DOCK1: variants seen among roughly 807,000 people sequenced by gnomAD.
DOCK1 encodes the protein dedicator of cytokinesis 1.
In DOCK1, 138 loss-of-function variants were observed where a neutral mutation model predicts 262.7. The ratio of observed to expected loss-of-function variants is 0.53; its 90% CI spans 0.46 to 0.61. The LOEUF is 0.61. Among genes scored for constraint, DOCK1 ranks in the 20% least tolerant of loss-of-function variants. The pLI is 0.00. For synonymous variants in DOCK1, 866 were observed against 867.4 expected, an observed-to-expected ratio of 1.00 and a Z score of 0.03; for missense variants, 1,908 against 2,370.7, an observed-to-expected ratio of 0.80 and a Z score of 4.05.
intron 29 of DOCK1, among the ~76,000 whole-genome samples, chr10:127,329,545 G>A (rs1009755794): frequency 6.6e-6 from 1 of 152,026 alleles, no homozygotes; most frequent in African/African-American, 2.4e-5. Flanking sequence ...CTGGGGTGCT[G>A]GGGCGGGGAC....
chr10:127,217,381 G>C (rs2058258670), intron 27 of DOCK1, among the ~76,000 whole-genome samples: 1 of 152,202 alleles, frequency 6.6e-6, no homozygotes, highest in Non-Finnish European at 1.5e-5. Flanking sequence ...CTGATAATAT[G>C]CTGATTTACT....
chr10:127,406,290 C>T (rs1487932659), intron 40 of DOCK1, among the ~76,000 whole-genome samples: 4 of 152,132 alleles, frequency 2.6e-5, no homozygotes, highest in South Asian at 2.1e-4. Flanking sequence ...GCGGAGGACA[C>T]GTTGCAGCTC....
chr10:127,138,159 C>G (rs1214830335), intron 27 of DOCK1: 2 of 740,788 alleles, frequency 2.7e-6, no homozygotes, highest in Non-Finnish European at 4.3e-6. Context: ...ATTCGATATA[C>G]TATGTTTTAG....
intron 1 of DOCK1, among the ~76,000 whole-genome samples, chr10:126,911,473 C>T (rs747128755): frequency 1.3e-5 from 2 of 152,312 alleles, no homozygotes; most frequent in Non-Finnish European, 2.9e-5. Context: ...GGCACATGCA[C>T]CAGTGTGGAG....
At chr10:127,054,643 G>A (rs1411083089) in intron 22 of DOCK1, among the ~76,000 whole-genome samples, 2 of 151,756 alleles carry the variant, frequency 1.3e-5, no homozygotes, top group Non-Finnish European at 2.9e-5. Flanking sequence ...CTGCCTTGCT[G>A]TTATATTTTC....
intron 49 of DOCK1, among the ~76,000 whole-genome samples, chr10:127,441,899 A>T (rs2070180868): frequency 6.6e-6 from 1 of 152,122 alleles, no homozygotes; most frequent in South Asian, 2.1e-4. Context: ...TCAGCAGTCC[A>T]GCCTCCTCAG....
intron 33 of DOCK1, 32 bp downstream of exon 33, chr10:127,362,244 G>A (rs766919577): frequency 6.3e-7 from 1 of 1,596,660 alleles, no homozygotes; most frequent in Non-Finnish European, 8.5e-7. Context: ...GAGTGGCCGG[G>A]GGACATGAGG....
At chr10:127,205,633 C>T (rs2057684364) in intron 27 of DOCK1, among the ~76,000 whole-genome samples, 1 of 152,180 alleles carries the variant, frequency 6.6e-6, no homozygotes, top group African/African-American at 2.4e-5. Context: ...CCTTGTTGGA[C>T]TTTTGCTTCT....
intron 29 of DOCK1, among the ~76,000 whole-genome samples, chr10:127,335,718 T>C (rs1432934139): frequency 6.6e-6 from 1 of 150,822 alleles, no homozygotes; most frequent in Non-Finnish European, 1.5e-5. Context: ...CAGCTAATTT[T>C]TTTTTTTTTT....
At chr10:127,294,601 C>T (rs999293038) in intron 29 of DOCK1, among the ~76,000 whole-genome samples, 2 of 151,788 alleles carry the variant, frequency 1.3e-5, no homozygotes, top group South Asian at 4.2e-4. Context: ...AGACTACAGG[C>T]GTGAGCCACC....
chr10:127,165,864 C>T (rs566314489), intron 27 of DOCK1, among the ~76,000 whole-genome samples: 31 of 152,242 alleles, frequency 2.0e-4, no homozygotes, highest in African/African-American at 6.7e-4. Context: ...TCCCAATACA[C>T]TTTATTTATG....
At chr10:127,036,667 A>G (rs2043638937) in intron 18 of DOCK1, among the ~76,000 whole-genome samples, 1 of 152,058 alleles carries the variant, frequency 6.6e-6, no homozygotes, top group Non-Finnish European at 1.5e-5. Flanking sequence ...TTGGATCCTG[A>G]CTTCTTACCT....
Position 127,200,460 on chromosome 10 carries a change from G to C in DOCK1, c.2848-47548G>C, listed in dbSNP as rs150488496. Among the ~76,000 whole-genome samples the C allele has an allele frequency of 2.5e-3, 385 of 152,178 alleles. 2 individuals carry two copies. The highest frequency in any genetic ancestry group is 4.4e-3 in the Non-Finnish European group (302 of 68,008). ...TGTTTTGGAGACAGAGTTTCGTTTT[G>C]TTGCCCAGGCTAGAGTGGCGTGATG... On this transcript the variant is annotated intron_variant, in intron 27 of 51. Transcript: ENST00000623213.
chr10:127,136,990 A>G (rs1008715013), intron 27 of DOCK1: 1 of 152,574 alleles, frequency 6.6e-6, no homozygotes, highest in African/African-American at 2.4e-5. Context: ...GTGTATCTCT[A>G]TGTATGTTCT....
intron 27 of DOCK1, among the ~76,000 whole-genome samples, chr10:127,151,912 C>T (rs2052529049): frequency 6.6e-6 from 1 of 152,198 alleles, no homozygotes; most frequent in Non-Finnish European, 1.5e-5. Flanking sequence ...CCTTCAGAGA[C>T]TTATTCAGTC....
chr10:127,280,861 A>G (rs1765609357), intron 29 of DOCK1, among the ~76,000 whole-genome samples: 2 of 152,160 alleles, frequency 1.3e-5, no homozygotes, highest in Admixed American at 6.5e-5. Context: ...GAACATCGGA[A>G]TATTTTCAAC....
At chr10:127,272,345 G>A (rs1016243943) in intron 29 of DOCK1, 2 of 152,226 alleles carry the variant, frequency 1.3e-5, no homozygotes, top group East Asian at 3.9e-4. Context: ...TGCTTTGGCA[G>A]AGACACCACT....
chr10:127,343,839 T>G, intron 31 of DOCK1, 93 bp downstream of exon 31: 4 of 1,048,234 alleles, frequency 3.8e-6, no homozygotes, highest in Non-Finnish European at 4.2e-6. Flanking sequence ...TTGATACAAA[T>G]TGAGATGTAA....
chr10:127,028,915 C>T (rs2043057144), intron 16 of DOCK1, among the ~76,000 whole-genome samples: 2 of 152,132 alleles, frequency 1.3e-5, no homozygotes, highest in Admixed American at 6.5e-5. Flanking sequence ...GCATATATCA[C>T]CTTGAGGCCC....
Sources: gnomAD v4.1 joint callset for allele counts (sites outside exome capture counted in the v4.1 genomes callset) on GRCh38, gnomAD v4.1.1 for gene constraint, MANE v1.5 for transcripts, NCBI Gene and HGNC (gene_info 2026-07-23, HGNC 2026-07-21) for gene names.